The following TNNI3K variants were observed in gnomAD, a reference collection of about 807,000 sequenced individuals.
The protein encoded by TNNI3K is TNNI3 interacting kinase.
In TNNI3K, 140 loss-of-function variants were observed where a neutral mutation model predicts 114.5. The observed-to-expected ratio is 1.22, with a 90% CI of 1.07 to 1.41. The LOEUF (loss-of-function observed/expected upper bound fraction) is 1.41. TNNI3K is among the 40% of genes most tolerant of loss of function. The probability of loss-of-function intolerance (pLI) is 0.00; values close to 1 mark genes in which losing one functional copy is unlikely to be tolerated. For missense variants in TNNI3K, 1,125 were observed against 1,007.6 expected (o/e 1.12, Z -1.58); for synonymous variants, 347 against 347.5 (o/e 1.00, Z 0.02).
At chr1:74,253,060 G>C (rs1173324610) in intron 4 of TNNI3K, among the ~76,000 whole-genome samples, 1 of 152,150 alleles carries the variant, frequency 6.6e-6, no homozygotes, top group African/African-American at 2.4e-5. Flanking sequence ...CAATCCCTGA[G>C]CTAGACACAA....
At chr1:74,382,682 A>G (rs1213912465) in intron 17 of TNNI3K, among the ~76,000 whole-genome samples, 2 of 152,348 alleles carry the variant, frequency 1.3e-5, no homozygotes, top group East Asian at 1.9e-4. Flanking sequence ...TGTATCAATT[A>G]TGTTTCAACC....
chr1:74,389,321 G>A (rs945769916), intron 17 of TNNI3K, among the ~76,000 whole-genome samples: 7 of 152,250 alleles, frequency 4.6e-5, no homozygotes, highest in Non-Finnish European at 1.0e-4. Flanking sequence ...ATGTCAATCA[G>A]CCTTGTTGTC....
intron 17 of TNNI3K, among the ~76,000 whole-genome samples, chr1:74,415,801 CT>C (rs1665091291): frequency 6.6e-6 from 1 of 151,210 alleles, no homozygotes; most frequent in Admixed American, 6.6e-5. Flanking sequence ...TTATGGTCAT[CT>C]TTATATTTTT....
intron 23 of TNNI3K, among the ~76,000 whole-genome samples, chr1:74,518,959 G>C (rs1426043656): frequency 2.0e-5 from 2 of 98,060 alleles, no homozygotes; most frequent in African/African-American, 5.9e-5. Flanking sequence ...GTATACATGT[G>C]CCATGCTGGT....
At chr1:74,443,362 C>T (rs1666468921) in intron 20 of TNNI3K, among the ~76,000 whole-genome samples, 1 of 151,836 alleles carries the variant, frequency 6.6e-6, no homozygotes, top group African/African-American at 2.4e-5. Context: ...AAACAACCAC[C>T]AGAGAATACT....
intron 5 of TNNI3K, among the ~76,000 whole-genome samples, chr1:74,273,270 CT>C (rs1218560278): frequency 6.6e-6 from 1 of 151,718 alleles, no homozygotes; most frequent in Non-Finnish European, 1.5e-5. Context: ...AAAATAAATC[CT>C]TTTAGTGAGA....
chr1:74,358,919 T>A (rs1661804015), intron 11 of TNNI3K, among the ~76,000 whole-genome samples: 1 of 151,984 alleles, frequency 6.6e-6, no homozygotes, highest in Non-Finnish European at 1.5e-5. Context: ...ATTGAGTATC[T>A]TTTACAGATG....
chr1:74,261,044 T>C (rs538666546), intron 4 of TNNI3K, among the ~76,000 whole-genome samples: 2 of 152,122 alleles, frequency 1.3e-5, no homozygotes, highest in Non-Finnish European at 2.9e-5. Context: ...AGGAAATTGA[T>C]TTATATGAAG....
At chr1:74,420,111 G>T (rs1033788808) in intron 17 of TNNI3K, among the ~76,000 whole-genome samples, 3 of 151,932 alleles carry the variant, frequency 2.0e-5, no homozygotes, top group African/African-American at 7.2e-5. Context: ...TGAAATGAAT[G>T]AGTAAATAGA....
At chr1:74,449,410 A>T (rs914365450) in intron 20 of TNNI3K, among the ~76,000 whole-genome samples, 2 of 151,704 alleles carry the variant, frequency 1.3e-5, no homozygotes, top group African/African-American at 4.8e-5. Context: ...CTTTCAAAAA[A>T]CCAGCTCCTG....
chr1:74,331,344 A>T, intron 5 of TNNI3K, 106 bp from the exon 6 acceptor site: 1 of 1,133,162 alleles, frequency 8.8e-7, no homozygotes, highest in Non-Finnish European at 1.2e-6. Flanking sequence ...GTTGTGTTTT[A>T]GGGTGGCAAC....
chr1:74,433,195 G>C (rs1665974256), intron 17 of TNNI3K, among the ~76,000 whole-genome samples: 1 of 152,030 alleles, frequency 6.6e-6, no homozygotes, highest in Non-Finnish European at 1.5e-5. Flanking sequence ...TACCACTTCT[G>C]TTGTCCTAGC....
Position 74,360,996 on chromosome 1 carries a change from A to C in TNNI3K, c.1178-6260A>C, listed in dbSNP as rs1661935820. On this transcript the variant is annotated intron_variant, in intron 11 of 24. Transcript: ENST00000326637. ...AATCAGTAAGAGAGACAGGAAGAAA[A>C]TATTTTAGACAACATTCTTTTCCAT... 2.0e-5 allele frequency among the ~76,000 whole-genome samples: 3 copies of C among 152,064 alleles called. No homozygotes were observed. The South Asian group carries it at 6.2e-4, about 31-fold the overall frequency.
At chr1:74,443,399 G>T (rs1348302744) in intron 20 of TNNI3K, among the ~76,000 whole-genome samples, 2 of 151,970 alleles carry the variant, frequency 1.3e-5, no homozygotes, top group African/African-American at 4.8e-5. Context: ...AAATAAACTA[G>T]ACAATCTAGA....
chr1:74,260,377 T>C (rs1655592040), intron 4 of TNNI3K, among the ~76,000 whole-genome samples: 1 of 152,166 alleles, frequency 6.6e-6, no homozygotes, highest in Admixed American at 6.5e-5. Flanking sequence ...GTTGATATTA[T>C]GTAGCTTAAG....
intron 23 of TNNI3K, among the ~76,000 whole-genome samples, chr1:74,494,196 C>T (rs1284057301): frequency 1.3e-5 from 2 of 152,186 alleles, no homozygotes; most frequent in African/African-American, 4.8e-5. Flanking sequence ...CCTGCATATA[C>T]ATACACACTC....
intron 23 of TNNI3K, among the ~76,000 whole-genome samples, chr1:74,502,021 G>T (rs72675337): frequency 6.6e-6 from 1 of 151,786 alleles, no homozygotes; most frequent in Non-Finnish European, 1.5e-5. Context: ...GAAGATTTTG[G>T]CTTTATACAG....
chr1:74,240,103 A>G, intron 2 of TNNI3K: 1 of 327,048 alleles, frequency 3.1e-6, no homozygotes. Context: ...CACTTACTAC[A>G]TGGTGTTGTT....
In TNNI3K at chr1:74,309,184, C is replaced by T. The variant is rs371430973; in HGVS notation, c.445-22266C>T. On this transcript the variant is annotated intron_variant, in intron 5 of 24. Coordinates refer to ENST00000326637, the MANE Select transcript of TNNI3K (RefSeq NM_015978.3). ...GAGATCGAGACCATCCTGGCTAACACGGTGAAACCCCGTCTCTACTAAAAA... is the reference window on the plus strand; with the variant it reads ...GAGATCGAGACCATCCTGGCTAACATGGTGAAACCCCGTCTCTACTAAAAA... Among the ~76,000 whole-genome samples the T allele has an allele frequency of 3.9e-4, 58 of 150,010 alleles. 1 individual carries two copies. The East Asian group carries it at 8.8e-3, about 23-fold the overall frequency.
Sources: allele counts gnomAD v4.1 joint callset (sites outside exome capture counted in the v4.1 genomes callset), GRCh38; gene constraint gnomAD v4.1.1; transcripts MANE v1.5; gene names NCBI Gene and HGNC (gene_info 2026-07-23, HGNC 2026-07-21).